NARS2: variants seen among roughly 807,000 people sequenced by gnomAD.
The protein encoded by NARS2 is asparaginyl-tRNA synthetase 2, mitochondrial, also known as asparaginyl-tRNA synthetase.
A neutral mutation model predicts 62.9 loss-of-function variants in NARS2; 60 were observed. The ratio of observed to expected loss-of-function variants is 0.95; its 90% CI spans 0.77 to 1.18. The LOEUF (loss-of-function observed/expected upper bound fraction) is 1.18. Ranked by LOEUF, NARS2 falls within the 50% of genes most tolerant of loss-of-function variation. The probability of loss-of-function intolerance (pLI) is 0.00; values close to 1 mark genes in which losing one functional copy is unlikely to be tolerated. For missense variants in NARS2, 619 were observed against 576.4 expected, an observed-to-expected ratio of 1.07 and a Z score of -0.76; for synonymous variants, 196 against 200.0, an observed-to-expected ratio of 0.98 and a Z score of 0.17.
At chr11:78,438,469 C>T (rs182871388) in intron 13 of NARS2, among the ~76,000 whole-genome samples, 5 of 152,248 alleles carry the variant, frequency 3.3e-5, no homozygotes, top group Admixed American at 3.3e-4. Flanking sequence ...AGGACCTGAC[C>T]TGGCTGCTAC....
At chr11:78,513,061 C>A (rs1308333381) in intron 6 of NARS2, among the ~76,000 whole-genome samples, 6 of 151,298 alleles carry the variant, frequency 4.0e-5, no homozygotes, top group African/African-American at 1.2e-4. Flanking sequence ...GCCACCCTGG[C>A]CAACATGGTG....
At chr11:78,473,545 C>T (rs1301674872) in intron 9 of NARS2, among the ~76,000 whole-genome samples, 1 of 152,178 alleles carries the variant, frequency 6.6e-6, no homozygotes, top group East Asian at 1.9e-4. Flanking sequence ...ATAGCTACTC[C>T]AGCATTATCA....
At chr11:78,470,518 A>G (rs1319870763) in intron 9 of NARS2, among the ~76,000 whole-genome samples, 12 of 152,112 alleles carry the variant, frequency 7.9e-5, no homozygotes. Flanking sequence ...TTTCACACCT[A>G]ATTTTACTAA....
chr11:78,488,382 T>C (rs1001662479), intron 7 of NARS2, among the ~76,000 whole-genome samples: 4 of 152,110 alleles, frequency 2.6e-5, no homozygotes, highest in Non-Finnish European at 4.4e-5. Flanking sequence ...TTAGAAAGAT[T>C]TGAAGATGAT....
chr11:78,445,732 T>G (rs1347480258), intron 11 of NARS2, among the ~76,000 whole-genome samples: 2 of 151,884 alleles, frequency 1.3e-5, no homozygotes, highest in Non-Finnish European at 2.9e-5. Context: ...GGAGGACTGC[T>G]TGAGGCCAGG....
At chr11:78,456,688 T>A (rs1026624334) in intron 11 of NARS2, among the ~76,000 whole-genome samples, 1 of 152,226 alleles carries the variant, frequency 6.6e-6, no homozygotes, top group Non-Finnish European at 1.5e-5. Flanking sequence ...GAACACTACC[T>A]GGTGATTGTG....
intron 11 of NARS2, among the ~76,000 whole-genome samples, chr11:78,447,540 T>A (rs188797628): frequency 6.6e-6 from 1 of 152,164 alleles, no homozygotes; most frequent in Non-Finnish European, 1.5e-5. Context: ...GGTGGTGATA[T>A]CTGCACTCTA....
intron 6 of NARS2, among the ~76,000 whole-genome samples, chr11:78,515,390 G>A (rs563268955): frequency 3.3e-5 from 5 of 152,196 alleles, no homozygotes; most frequent in Non-Finnish European, 7.3e-5. Context: ...GGGGTTGGGG[G>A]TAGGAGAAAA....
chr11:78,487,136 A>T (rs1210804496), intron 7 of NARS2, among the ~76,000 whole-genome samples: 1 of 152,038 alleles, frequency 6.6e-6, no homozygotes, highest in Non-Finnish European at 1.5e-5. Context: ...TGGGCGGATC[A>T]CTTGAGGTCA....
At chr11:78,446,589 G>A (rs150246069) in intron 11 of NARS2, among the ~76,000 whole-genome samples, 57 of 152,270 alleles carry the variant, frequency 3.7e-4, no homozygotes, top group Non-Finnish European at 7.8e-4. Context: ...GAAAAGAATA[G>A]TCAACCAGTG....
At chr11:78,466,697 G>C (rs1591158632) in intron 10 of NARS2, among the ~76,000 whole-genome samples, 1 of 152,186 alleles carries the variant, frequency 6.6e-6, no homozygotes, top group Middle Eastern at 3.4e-3. Context: ...TGGCCAGGCT[G>C]GTCTTGAACT....
At chr11:78,567,253 A>G (rs1380173695) in intron 3 of NARS2, among the ~76,000 whole-genome samples, 1 of 152,202 alleles carries the variant, frequency 6.6e-6, no homozygotes, top group African/African-American at 2.4e-5. Context: ...GTATCAAACC[A>G]TATAAACATT....
At chr11:78,519,637 C>T (rs974353934) in intron 6 of NARS2, among the ~76,000 whole-genome samples, 2 of 151,602 alleles carry the variant, frequency 1.3e-5, no homozygotes, top group African/African-American at 4.8e-5. Context: ...ATTATATGAA[C>T]AAATCATAAA....
intron 11 of NARS2, among the ~76,000 whole-genome samples, chr11:78,453,811 G>A (rs1858056259): frequency 6.6e-6 from 1 of 152,212 alleles, no homozygotes; most frequent in African/African-American, 2.4e-5. Flanking sequence ...AGATGTGATG[G>A]TGAAGAGATG....
At chr11:78,526,639 C>T (rs1195915575) in intron 6 of NARS2, among the ~76,000 whole-genome samples, 1 of 152,052 alleles carries the variant, frequency 6.6e-6, no homozygotes. Context: ...AATACAAAAC[C>T]TAGTATTCTA....
chr11:78,476,615 G>A (rs1013840881), intron 9 of NARS2, among the ~76,000 whole-genome samples: 3 of 152,192 alleles, frequency 2.0e-5, no homozygotes, highest in Non-Finnish European at 4.4e-5. Flanking sequence ...ACTTTCTGTG[G>A]TGAAGGCTGG....
chr11:78,491,579 C>T (rs935663487), intron 7 of NARS2, among the ~76,000 whole-genome samples: 8 of 152,174 alleles, frequency 5.3e-5, no homozygotes, highest in Non-Finnish European at 1.0e-4. Flanking sequence ...AAAGTGCTAA[C>T]GCCTTGCTTT....
intron 6 of NARS2, among the ~76,000 whole-genome samples, chr11:78,525,030 G>T (rs947069207): frequency 1.3e-5 from 2 of 152,048 alleles, no homozygotes; most frequent in Admixed American, 1.3e-4. Context: ...CTAAGCAAAA[G>T]AAGCCAATCT....
At chr11:78,554,290 T>G (rs1036631219) in intron 5 of NARS2, among the ~76,000 whole-genome samples, 6 of 152,228 alleles carry the variant, frequency 3.9e-5, no homozygotes, top group African/African-American at 1.4e-4. Flanking sequence ...TTTCTAGTTC[T>G]GTGAGGAATG....
Sources: gnomAD v4.1 joint callset for allele counts (sites outside exome capture counted in the v4.1 genomes callset) on GRCh38, gnomAD v4.1.1 for gene constraint, MANE v1.5 for transcripts, NCBI Gene and HGNC (gene_info 2026-07-23, HGNC 2026-07-21) for gene names.